The following SH3D19 variants were observed in gnomAD, a reference collection of about 807,000 sequenced individuals.
SH3D19 encodes SH3 domain-containing protein 19.
In SH3D19, 58 loss-of-function variants were observed where a neutral mutation model predicts 112.1. That is an observed-to-expected ratio of 0.52 (90% CI 0.42 to 0.64). The LOEUF (loss-of-function observed/expected upper bound fraction) is 0.64, where lower values mean the gene tolerates loss of function less well. SH3D19 is among the 30% of genes least tolerant of loss of function. SH3D19 has a pLI of 0.00. For synonymous variants in SH3D19, 391 were observed against 448.5 expected, an observed-to-expected ratio of 0.87 and a Z score of 1.62; for missense variants, 1,090 against 1,263.4, an observed-to-expected ratio of 0.86 and a Z score of 2.08.
At chr4:151,279,350 TA>T (rs960311077) in intron 1 of SH3D19, among the ~76,000 whole-genome samples, 73 of 151,150 alleles carry the variant, frequency 4.8e-4, no homozygotes, top group Non-Finnish European at 8.9e-4. Context: ...ATCCCTGGTT[TA>T]AAAAAAAAAT....
intron 9 of SH3D19, among the ~76,000 whole-genome samples, chr4:151,154,123 G>A (rs1412650131): frequency 1.4e-5 from 2 of 146,620 alleles, no homozygotes; most frequent in South Asian, 2.1e-4. Context: ...CACCACACCC[G>A]GCTGATTTTT....
intron 1 of SH3D19, among the ~76,000 whole-genome samples, chr4:151,235,266 C>A (rs72967541): frequency 6.6e-6 from 1 of 152,060 alleles, no homozygotes; most frequent in South Asian, 2.1e-4. Context: ...TTAACTCTCA[C>A]CTTTAAGTGA....
chr4:151,174,968 C>G lies in SH3D19; in HGVS notation c.1236G>C (p.Gly412=). ...GCGGGGCAGGAGTTGGCACTTTCTTCCCACTATCAGAGCTCTCAGCCAGGG... is the reference window on the plus strand; with the variant it reads ...GCGGGGCAGGAGTTGGCACTTTCTTGCCACTATCAGAGCTCTCAGCCAGGG... ...RGPLAESSDS[G]KKVPTPAPRP... The change falls in exon 7 of 20, where the codon GGG becomes GGC. Residue 412 remains glycine (G), a synonymous_variant. Transcript: ENST00000604030. The G allele has an allele frequency of 6.2e-7, 1 of 1,614,156 alleles. No homozygotes were observed. The highest frequency in any genetic ancestry group is 8.5e-7 in the Non-Finnish European group (1 of 1,179,992).
At chr4:151,130,535 A>C (rs148649993) in intron 17 of SH3D19, among the ~76,000 whole-genome samples, 1 of 152,198 alleles carries the variant, frequency 6.6e-6, no homozygotes, top group Non-Finnish European at 1.5e-5. Context: ...ACCTTTAAGC[A>C]TTTCTGGGGT....
chr4:151,215,866 C>A (rs574403716), intron 2 of SH3D19, among the ~76,000 whole-genome samples: 15 of 151,834 alleles, frequency 9.9e-5, no homozygotes, highest in African/African-American at 3.6e-4. Flanking sequence ...TGCTCTGTTG[C>A]CCAGGCTGGA....
chr4:151,290,203 T>C (rs796311502), intron 1 of SH3D19, among the ~76,000 whole-genome samples: 1 of 152,268 alleles, frequency 6.6e-6, no homozygotes, highest in South Asian at 2.1e-4. Flanking sequence ...CCTTGGCCTC[T>C]CAAGGCACTA....
intron 1 of SH3D19, chr4:151,226,532 A>G (rs1373481315): frequency 2.1e-6 from 2 of 932,130 alleles, no homozygotes; most frequent in Non-Finnish European, 2.6e-6. Flanking sequence ...ACATCTGCAA[A>G]TACTAAGACC....
At chr4:151,197,747 A>G (rs991380303) in intron 2 of SH3D19, among the ~76,000 whole-genome samples, 1 of 42,574 alleles carries the variant, frequency 2.3e-5, no homozygotes, top group African/African-American at 4.0e-5. Flanking sequence ...TGCGATTAAA[A>G]TAAAACTAAT....
chr4:151,227,464 C>T (rs1426284051), intron 1 of SH3D19, among the ~76,000 whole-genome samples: 1 of 152,196 alleles, frequency 6.6e-6, no homozygotes, highest in Non-Finnish European at 1.5e-5. Flanking sequence ...TAGCACATTT[C>T]TGGTTCCAAT....
At chr4:151,144,225 AAG>A in intron 11 of SH3D19, 175 bp from the exon 12 acceptor site, 1 of 1,613,972 alleles carries the variant, frequency 6.2e-7, no homozygotes, top group Non-Finnish European at 8.5e-7. Context: ...TTTACCTTAC[AAG>A]AGAGTTCTCC....
At chr4:151,139,694 C>T (rs1304862902) in intron 13 of SH3D19, 81 bp downstream of exon 13, 3 of 1,270,044 alleles carry the variant, frequency 2.4e-6, no homozygotes, top group Non-Finnish European at 3.4e-6. Flanking sequence ...GAAGGATGTC[C>T]TTGAGAGGCT....
intron 1 of SH3D19, among the ~76,000 whole-genome samples, chr4:151,240,515 T>C (rs866335976): frequency 4.6e-5 from 7 of 151,936 alleles, no homozygotes; most frequent in Non-Finnish European, 5.9e-5. Context: ...TGACCAGATG[T>C]CACCAAAGCA....
At chr4:151,267,327 C>T (rs925495782) in intron 1 of SH3D19, among the ~76,000 whole-genome samples, 6 of 151,898 alleles carry the variant, frequency 4.0e-5, no homozygotes, top group African/African-American at 7.3e-5. Context: ...AGAGCAAGAC[C>T]CTGTTGTCAA....
intron 1 of SH3D19, among the ~76,000 whole-genome samples, chr4:151,297,784 G>T (rs1775804161): frequency 6.6e-6 from 1 of 152,190 alleles, no homozygotes; most frequent in African/African-American, 2.4e-5. Flanking sequence ...CTGTGAATAT[G>T]TTACTACACG....
intron 2 of SH3D19, among the ~76,000 whole-genome samples, chr4:151,205,303 C>T (rs556303702): frequency 1.3e-5 from 2 of 152,216 alleles, no homozygotes; most frequent in Non-Finnish European, 2.9e-5. Context: ...ATCATCTCTG[C>T]TTCAATCTTC....
At chr4:151,276,845 CT>C (rs1363516336) in intron 1 of SH3D19, among the ~76,000 whole-genome samples, 1 of 152,216 alleles carries the variant, frequency 6.6e-6, no homozygotes, top group Non-Finnish European at 1.5e-5. Flanking sequence ...TGTCCACCTT[CT>C]ATCTCCTTGC....
At chr4:151,136,375 T>C (rs1343280570) in intron 14 of SH3D19, among the ~76,000 whole-genome samples, 1 of 152,136 alleles carries the variant, frequency 6.6e-6, no homozygotes, top group Non-Finnish European at 1.5e-5. Context: ...CTTGAACTCC[T>C]GAGCTCAAGT....
intron 1 of SH3D19, among the ~76,000 whole-genome samples, chr4:151,307,341 T>A (rs1729023465): frequency 6.6e-6 from 1 of 152,232 alleles, no homozygotes. Flanking sequence ...GACTTCTATC[T>A]TTTTAGTGTC....
intron 2 of SH3D19, among the ~76,000 whole-genome samples, chr4:151,200,806 C>A (rs1243781406): frequency 2.0e-5 from 3 of 152,186 alleles, no homozygotes; most frequent in Non-Finnish European, 4.4e-5. Context: ...ATGCAATTGA[C>A]AAATGAATAG....
Sources: allele counts gnomAD v4.1 joint callset (sites outside exome capture counted in the v4.1 genomes callset), GRCh38; gene constraint gnomAD v4.1.1; transcripts MANE v1.5; gene names NCBI Gene and HGNC (gene_info 2026-07-23, HGNC 2026-07-21).